Variants in LIN7A observed in about 807,000 individuals in gnomAD.
LIN7A encodes the protein protein lin-7 homolog A.
In LIN7A, 25 loss-of-function variants were observed where a neutral mutation model predicts 29.8. The ratio of observed to expected loss-of-function variants is 0.84; its 90% CI spans 0.61 to 1.17. LIN7A has a LOEUF of 1.17. Among genes scored for constraint, LIN7A ranks in the 50% most tolerant of loss-of-function variants. LIN7A has a pLI of 0.00. For synonymous variants in LIN7A, 118 were observed against 107.5 expected (o/e 1.10, Z -0.60); for missense variants, 239 against 287.0 (o/e 0.83, Z 1.21).
In LIN7A at chr12:80,848,257, T is replaced by C; in HGVS notation, c.267A>G (p.Thr89=). The change falls in exon 3 of 6, where the codon ACA becomes ACG. Residue 89 remains threonine (T), a synonymous_variant. Coordinates refer to ENST00000552864, the MANE Select transcript of LIN7A (RefSeq NM_004664.4). Reference sequence around the variant, plus strand: ...AAAGTTACTCAAGCCTTACCTTTGCTGTTGCCCTCGCACGGAATTCGGGAC... The same window carrying C: ...AAAGTTACTCAAGCCTTACCTTTGCCGTTGCCCTCGCACGGAATTCGGGAC... The part of the protein sequence containing the change: ...NGCPEFRARA[T]AKATVAAFAA... 2 of 1,612,474 alleles carry C rather than the reference T, an allele frequency of 1.2e-6. No homozygotes were observed. Among genetic ancestry groups the C allele is most frequent in the Non-Finnish European group, 1.7e-6 (2 of 1,178,616 alleles).
In LIN7A at chr12:80,923,859, A is replaced by G. The variant is rs1877442067; in HGVS notation, c.82+13782T>C. On this transcript the variant is annotated intron_variant, in intron 1 of 5. Transcript: ENST00000552864. ...CTTTGTTTAGCCTCTTTATGCCTCA[A>G]TTCTCAATTCTTCAAAATACAAATA... Among the ~76,000 whole-genome samples the G allele has an allele frequency of 2.6e-5, 4 of 152,212 alleles. No individual in the cohort carries two copies. The South Asian group carries it at 6.2e-4, about 24-fold the overall frequency.
intron 1 of LIN7A, among the ~76,000 whole-genome samples, chr12:80,919,175 A>G (rs1877173527): frequency 6.6e-6 from 1 of 152,226 alleles, no homozygotes; most frequent in East Asian, 1.9e-4. Flanking sequence ...ATAAGCACCA[A>G]AAATTAACCA....
At chr12:80,920,223 T>C (rs559002351) in intron 1 of LIN7A, among the ~76,000 whole-genome samples, 1 of 152,202 alleles carries the variant, frequency 6.6e-6, no homozygotes, top group Non-Finnish European at 1.5e-5. Context: ...ACTTCACTTA[T>C]GGATGCTGAA....
intron 1 of LIN7A, among the ~76,000 whole-genome samples, chr12:80,909,159 T>C (rs1384581305): frequency 6.6e-6 from 1 of 152,114 alleles, no homozygotes; most frequent in South Asian, 2.1e-4. Flanking sequence ...GTGTAAAGGA[T>C]TGAGGTTCAA....
chr12:80,839,458 A>G (rs1347396984), intron 4 of LIN7A, among the ~76,000 whole-genome samples: 1 of 152,248 alleles, frequency 6.6e-6, no homozygotes, highest in East Asian at 1.9e-4. Context: ...CAACAAATAT[A>G]TAGAGAGCTT....
At chr12:80,828,658 G>A (rs913092775) in intron 4 of LIN7A, among the ~76,000 whole-genome samples, 1 of 152,148 alleles carries the variant, frequency 6.6e-6, no homozygotes, top group Non-Finnish European at 1.5e-5. Flanking sequence ...AGGAAACTGA[G>A]ACACAGAAAG....
chr12:80,833,643 A>T (rs547777416), intron 4 of LIN7A, among the ~76,000 whole-genome samples: 1 of 152,276 alleles, frequency 6.6e-6, no homozygotes, highest in East Asian at 1.9e-4. Flanking sequence ...GATGTGGCTC[A>T]AGCCCATCCC....
intron 1 of LIN7A, among the ~76,000 whole-genome samples, chr12:80,927,261 A>T (rs938923052): frequency 1.1e-4 from 15 of 138,410 alleles, no homozygotes; most frequent in Non-Finnish European, 2.3e-4. Context: ...TTCCGGCTTC[A>T]GGCGATTCAC....
intron 1 of LIN7A, among the ~76,000 whole-genome samples, chr12:80,930,100 C>A (rs1310068473): frequency 3.3e-5 from 5 of 152,078 alleles, no homozygotes; most frequent in Non-Finnish European, 7.4e-5. Flanking sequence ...ATATAACTAT[C>A]TCCACACTGG....
At chr12:80,920,789 AAGAC>A (rs1267223938) in intron 1 of LIN7A, among the ~76,000 whole-genome samples, 1 of 152,206 alleles carries the variant, frequency 6.6e-6, no homozygotes, top group East Asian at 1.9e-4. Context: ...TAGTACATGA[AAGAC>A]AGAGATTTCT....
intron 1 of LIN7A, among the ~76,000 whole-genome samples, chr12:80,923,284 A>G (rs1486327066): frequency 6.6e-6 from 1 of 152,170 alleles, no homozygotes; most frequent in Admixed American, 6.6e-5. Flanking sequence ...ACTGAGAGTT[A>G]CACTGCTGGC....
At chr12:80,809,132 C>A (rs1262898649) in intron 5 of LIN7A, among the ~76,000 whole-genome samples, 2 of 151,920 alleles carry the variant, frequency 1.3e-5, no homozygotes, top group Non-Finnish European at 2.9e-5. Context: ...GCTACAGGAG[C>A]TAATTTTTGA....
At chr12:80,866,165 A>C (rs1297634160) in intron 2 of LIN7A, among the ~76,000 whole-genome samples, 3 of 152,212 alleles carry the variant, frequency 2.0e-5, no homozygotes, top group East Asian at 3.8e-4. Flanking sequence ...AAATTTAATA[A>C]AGATGAAAGG....
At chr12:80,929,961 C>A (rs559996668) in intron 1 of LIN7A, among the ~76,000 whole-genome samples, 1 of 152,248 alleles carries the variant, frequency 6.6e-6, no homozygotes, top group Admixed American at 6.5e-5. Flanking sequence ...GCTGTGATTT[C>A]ATGCTATGTT....
chr12:80,914,553 A>G (rs1312836055), intron 1 of LIN7A, among the ~76,000 whole-genome samples: 1 of 152,206 alleles, frequency 6.6e-6, no homozygotes, highest in Non-Finnish European at 1.5e-5. Context: ...CCATCAAAAG[A>G]AGCTTATTAA....
intron 2 of LIN7A, among the ~76,000 whole-genome samples, chr12:80,881,344 A>C (rs1465418296): frequency 6.6e-6 from 1 of 152,128 alleles, no homozygotes; most frequent in Admixed American, 6.5e-5. Context: ...TTTCTCTGAC[A>C]TTTGCCAACT....
At chr12:80,882,796 T>G (rs934032232) in intron 2 of LIN7A, among the ~76,000 whole-genome samples, 12 of 152,206 alleles carry the variant, frequency 7.9e-5, no homozygotes, top group Non-Finnish European at 1.8e-4. Context: ...AGTCAAGGTA[T>G]GTAATCTGCT....
intron 4 of LIN7A, among the ~76,000 whole-genome samples, chr12:80,845,234 CT>C (rs1392381679): frequency 1.8e-3 from 80 of 44,212 alleles, no homozygotes; most frequent in Non-Finnish European, 2.4e-3. Flanking sequence ...GAGATTCCAT[CT>C]CAAAAAAAAA....
intron 1 of LIN7A, among the ~76,000 whole-genome samples, chr12:80,898,578 G>A (rs1779363220): frequency 6.6e-6 from 1 of 151,816 alleles, no homozygotes; most frequent in African/African-American, 2.4e-5. Context: ...TGGGCAGTAT[G>A]TCCATTTTAA....
Sources: allele counts gnomAD v4.1 joint callset (sites outside exome capture counted in the v4.1 genomes callset), GRCh38; gene constraint gnomAD v4.1.1; transcripts MANE v1.5; gene names NCBI Gene and HGNC (gene_info 2026-07-23, HGNC 2026-07-21).